Variants in PACSIN2 observed in about 807,000 individuals in gnomAD.
The protein encoded by PACSIN2 is protein kinase C and casein kinase substrate in neurons protein 2.
A neutral mutation model predicts 63.8 loss-of-function variants in PACSIN2; 25 were observed. That is an observed-to-expected ratio of 0.39 (90% CI 0.29 to 0.55). The LOEUF (loss-of-function observed/expected upper bound fraction) is 0.55, where lower values mean the gene tolerates loss of function less well. PACSIN2 is among the 20% of genes least tolerant of loss of function. The pLI is 0.62. For synonymous variants in PACSIN2, 255 were observed against 256.2 expected, an observed-to-expected ratio of 1.00 and a Z score of 0.05; for missense variants, 518 against 646.9, an observed-to-expected ratio of 0.80 and a Z score of 2.16.
chr22:42,903,096 T>A (rs895329949), intron 2 of PACSIN2, among the ~76,000 whole-genome samples: 1 of 152,196 alleles, frequency 6.6e-6, no homozygotes, highest in Non-Finnish European at 1.5e-5. Context: ...TCACCGGGCC[T>A]TCACTGCAGC....
At chr22:43,014,978 G>C (rs370588886) in intron 1 of PACSIN2, 43 bp downstream of exon 1, 1 of 150,408 alleles carries the variant, frequency 6.6e-6, no homozygotes, top group Non-Finnish European at 1.5e-5. Context: ...CGCCCGCGGC[G>C]CCCCAACCGT....
intron 2 of PACSIN2, among the ~76,000 whole-genome samples, chr22:42,894,684 G>C (rs1403112755): frequency 6.6e-6 from 1 of 152,236 alleles, no homozygotes; most frequent in Non-Finnish European, 1.5e-5. Flanking sequence ...AAGAGTAACT[G>C]AGGAAATGTT....
chr22:43,014,619 G>A (rs1290801023), intron 1 of PACSIN2, among the ~76,000 whole-genome samples: 2 of 151,780 alleles, frequency 1.3e-5, no homozygotes, highest in African/African-American at 2.4e-5. Context: ...AGTCGCCCCA[G>A]CTCCCCCTTC....
intron 1 of PACSIN2, among the ~76,000 whole-genome samples, chr22:42,947,676 G>A (rs374475288): frequency 8.2e-6 from 1 of 122,392 alleles, no homozygotes; most frequent in South Asian, 2.9e-4. Context: ...CCCTGGGGGT[G>A]GGGGGGGGGA....
intron 1 of PACSIN2, among the ~76,000 whole-genome samples, chr22:42,962,314 ACTTT>A (rs1158291860): frequency 6.6e-6 from 1 of 152,034 alleles, no homozygotes; most frequent in Non-Finnish European, 1.5e-5. Context: ...CACAGCACTT[ACTTT>A]ATTTCTGGCT....
At chr22:42,909,448 A>G (rs1042045615) in intron 2 of PACSIN2, 7 of 455,438 alleles carry the variant, frequency 1.5e-5, no homozygotes, top group African/African-American at 1.4e-4. Context: ...TGCAGTTGGC[A>G]GTGTGCACCT....
intron 1 of PACSIN2, among the ~76,000 whole-genome samples, chr22:42,954,150 C>A (rs1216187029): frequency 6.6e-6 from 1 of 152,150 alleles, no homozygotes; most frequent in African/African-American, 2.4e-5. Flanking sequence ...ATAGTCCCAG[C>A]TACTTGGGAG....
chr22:43,005,293 C>G (rs1237804889), intron 1 of PACSIN2, among the ~76,000 whole-genome samples: 1 of 152,194 alleles, frequency 6.6e-6, no homozygotes, highest in African/African-American at 2.4e-5. Context: ...AGCAACATCC[C>G]TTCACCCCAG....
intron 1 of PACSIN2, among the ~76,000 whole-genome samples, chr22:42,950,661 T>TA (rs1336201533): frequency 2.6e-5 from 4 of 152,352 alleles, no homozygotes; most frequent in South Asian, 4.1e-4. Context: ...GTAGCATTCT[T>TA]ACGTCTAAAA....
intron 1 of PACSIN2, among the ~76,000 whole-genome samples, chr22:42,935,772 A>G (rs1601545245): frequency 1.3e-5 from 2 of 151,952 alleles, no homozygotes; most frequent in Admixed American, 1.3e-4. Flanking sequence ...CACAAGCAGC[A>G]CCCTCAGACA....
chr22:42,927,572 TTTAGTTATTTAG>T (rs1470720748), intron 1 of PACSIN2, among the ~76,000 whole-genome samples: 4 of 149,552 alleles, frequency 2.7e-5, no homozygotes, highest in South Asian at 4.3e-4. Context: ...TATTTATTTA[TTTAGTTATTTAG>T]TTATTTAGTT....
intron 5 of PACSIN2, among the ~76,000 whole-genome samples, chr22:42,885,869 G>C (rs1000167505): frequency 7.2e-5 from 11 of 152,196 alleles, no homozygotes; most frequent in African/African-American, 2.4e-4. Context: ...ATGCCCAGCA[G>C]AGAAAGAGCT....
intron 1 of PACSIN2, among the ~76,000 whole-genome samples, chr22:42,926,627 C>G (rs1932551410): frequency 6.6e-6 from 1 of 151,890 alleles, no homozygotes. Context: ...GAAAACACAT[C>G]TTGTTTCACT....
intron 2 of PACSIN2, among the ~76,000 whole-genome samples, chr22:42,908,594 C>T (rs895176048): frequency 1.3e-5 from 2 of 152,212 alleles, no homozygotes; most frequent in South Asian, 4.1e-4. Flanking sequence ...AGCCTGTGGG[C>T]GGGCCAGACC....
intron 1 of PACSIN2, among the ~76,000 whole-genome samples, chr22:42,979,493 C>G (rs1479292508): frequency 2.2e-5 from 3 of 135,676 alleles, no homozygotes; most frequent in Non-Finnish European, 4.6e-5. Context: ...CACTGCACTC[C>G]AGCCTAGGCA....
chr22:42,979,678 T>C (rs1921945097), intron 1 of PACSIN2, among the ~76,000 whole-genome samples: 1 of 152,076 alleles, frequency 6.6e-6, no homozygotes, highest in African/African-American at 2.4e-5. Context: ...CTCCTGGGAG[T>C]ATATGCTCTG....
intron 5 of PACSIN2, among the ~76,000 whole-genome samples, chr22:42,885,886 C>T (rs1322798434): frequency 6.6e-6 from 1 of 152,186 alleles, no homozygotes; most frequent in Non-Finnish European, 1.5e-5. Flanking sequence ...AGCTCCACAG[C>T]GCTGTGGCTA....
chr22:42,909,666 T>C, intron 2 of PACSIN2: 1 of 459,638 alleles, frequency 2.2e-6, no homozygotes, highest in Non-Finnish European at 4.5e-6. Flanking sequence ...TTATTGCAGT[T>C]GAGAATTTAA....
intron 1 of PACSIN2, among the ~76,000 whole-genome samples, chr22:42,949,004 G>T (rs766528549): frequency 1.2e-4 from 19 of 152,162 alleles, no homozygotes; most frequent in Non-Finnish European, 2.5e-4. Context: ...CTTAAACAAG[G>T]GGAGTGGGTC....
Sources: gnomAD v4.1 joint callset for allele counts (sites outside exome capture counted in the v4.1 genomes callset) on GRCh38, gnomAD v4.1.1 for gene constraint, MANE v1.5 for transcripts, NCBI Gene and HGNC (gene_info 2026-07-23, HGNC 2026-07-21) for gene names.